Variants in CCSER1 observed in about 807,000 individuals in gnomAD.
CCSER1 encodes the protein serine-rich coiled-coil domain-containing protein 1.
In CCSER1, 41 loss-of-function variants were observed where a neutral mutation model predicts 82.0. The ratio of observed to expected loss-of-function variants is 0.50; its 90% CI spans 0.39 to 0.65. CCSER1 has a LOEUF of 0.65. Among genes scored for constraint, CCSER1 ranks in the 30% least tolerant of loss-of-function variants. The pLI, the probability that CCSER1 is intolerant of heterozygous loss-of-function variation, is 0.00. For missense variants in CCSER1, 1,119 were observed against 1,064.2 expected, an observed-to-expected ratio of 1.05 and a Z score of -0.72; for synonymous variants, 414 against 383.9, an observed-to-expected ratio of 1.08 and a Z score of -0.92.
At chr4:90,264,663 A>T (rs1724930008) in intron 1 of CCSER1, among the ~76,000 whole-genome samples, 1 of 148,336 alleles carries the variant, frequency 6.7e-6, no homozygotes, top group South Asian at 2.2e-4. Flanking sequence ...TCTACTATTC[A>T]GTGTCTACAT....
At chr4:90,977,735 G>A (rs1343299550) in intron 9 of CCSER1, among the ~76,000 whole-genome samples, 1 of 151,404 alleles carries the variant, frequency 6.6e-6, no homozygotes, top group Non-Finnish European at 1.5e-5. Context: ...TTGTATATCT[G>A]CCTTCCCACT....
At chr4:91,178,031 A>G in intron 10 of CCSER1, among the ~76,000 whole-genome samples, 1 of 152,156 alleles carries the variant, frequency 6.6e-6, no homozygotes, top group African/African-American at 2.4e-5. Context: ...CATTGGTTTC[A>G]AAGAACATCT....
chr4:90,626,004 G>A (rs1345503351), intron 5 of CCSER1, among the ~76,000 whole-genome samples: 1 of 152,036 alleles, frequency 6.6e-6, no homozygotes, highest in Non-Finnish European at 1.5e-5. Flanking sequence ...TTAGATCCAT[G>A]ACTGACCAAA....
In CCSER1 at chr4:91,268,228, C is replaced by T. The variant is rs1741753077; in HGVS notation, c.2217+182234C>T. On this transcript the variant is annotated intron_variant, in intron 10 of 10. Coordinates refer to ENST00000509176, the MANE Select transcript of CCSER1 (RefSeq NM_001145065.2). ...ATTAGAGGTAAATAAAAAAGAAGGG[C>T]ATACATTTAATTTTATCAGTGCATG... Among the ~76,000 whole-genome samples the T allele has an allele frequency of 2.0e-5, 3 of 152,184 alleles. No homozygotes were observed. In the South Asian group the frequency reaches 6.2e-4, roughly 32 times the overall value.
chr4:90,443,983 A>G (rs1760266310), intron 4 of CCSER1, among the ~76,000 whole-genome samples: 1 of 152,074 alleles, frequency 6.6e-6, no homozygotes, highest in Non-Finnish European at 1.5e-5. Flanking sequence ...GCATGCTGGT[A>G]ATATAATTAA....
intron 3 of CCSER1, among the ~76,000 whole-genome samples, chr4:90,342,137 G>T (rs1036330576): frequency 6.6e-6 from 1 of 152,110 alleles, no homozygotes; most frequent in African/African-American, 2.4e-5. Flanking sequence ...AATCTGAATT[G>T]AATACAAGAG....
intron 6 of CCSER1, among the ~76,000 whole-genome samples, chr4:90,705,420 A>T (rs1413036657): frequency 6.6e-6 from 1 of 152,224 alleles, no homozygotes; most frequent in Non-Finnish European, 1.5e-5. Flanking sequence ...TTCGGGGGTC[A>T]GGGACCCACT....
At chr4:90,747,161 T>C (rs541088979) in intron 7 of CCSER1, among the ~76,000 whole-genome samples, 14 of 152,232 alleles carry the variant, frequency 9.2e-5, no homozygotes, top group Admixed American at 2.6e-4. Flanking sequence ...AACATCCCAC[T>C]ATTAGGTTGG....
Position 90,475,048 on chromosome 4 carries a change from A to G in CCSER1, c.1724+6694A>G, listed in dbSNP as rs182834032. ...ATATCAGTTGAACTATAAGTGTAAC[A>G]TGCACACACACACACACATAAATGC... On this transcript the variant is annotated intron_variant, in intron 5 of 10. Coordinates refer to ENST00000509176, the MANE Select transcript of CCSER1 (RefSeq NM_001145065.2). Among the ~76,000 whole-genome samples the G allele has an allele frequency of 1.8e-3, 272 of 152,148 alleles. 1 individual carries two copies. Among genetic ancestry groups the G allele is most frequent in the Non-Finnish European group, 3.2e-3 (215 of 68,006 alleles).
intron 9 of CCSER1, among the ~76,000 whole-genome samples, chr4:90,939,392 C>G (rs1731331771): frequency 6.6e-6 from 1 of 152,118 alleles, no homozygotes; most frequent in Non-Finnish European, 1.5e-5. Context: ...ATATCTGTGG[C>G]CTGGACTTGA....
intron 5 of CCSER1, among the ~76,000 whole-genome samples, chr4:90,475,402 A>G (rs1170602085): frequency 6.6e-6 from 1 of 152,188 alleles, no homozygotes; most frequent in Non-Finnish European, 1.5e-5. Context: ...CAGTGAGGAG[A>G]TAAGATTTCC....
At chr4:91,067,454 TC>T (rs1399210219) in intron 9 of CCSER1, among the ~76,000 whole-genome samples, 1 of 151,806 alleles carries the variant, frequency 6.6e-6, no homozygotes, top group Non-Finnish European at 1.5e-5. Flanking sequence ...CAAACAGTCC[TC>T]CCTCCTCAGC....
Position 90,778,435 on chromosome 4 carries a change from A to G in CCSER1, c.2011-37327A>G, listed in dbSNP as rs188658516. Among the ~76,000 whole-genome samples, 62 of 152,266 alleles carry G rather than the reference A, an allele frequency of 4.1e-4. 1 individual carries two copies. The East Asian group carries it at 0.011, about 26-fold the overall frequency. ...ATGTATCTCTTCTTGGATGACTGCA[A>G]GTAAGCCTTGCTATGAAAATATCTA... is the stretch of plus-strand genomic sequence containing the variant. On this transcript the variant is annotated intron_variant, in intron 7 of 10. Coordinates refer to ENST00000509176, the MANE Select transcript of CCSER1 (RefSeq NM_001145065.2).
chr4:90,268,062 C>T (rs899831795), intron 1 of CCSER1, among the ~76,000 whole-genome samples: 2 of 152,048 alleles, frequency 1.3e-5, no homozygotes, highest in Admixed American at 1.3e-4. Context: ...AAATATTCCT[C>T]AAGCAAAAAG....
chr4:91,540,793 T>G (rs1761550885), intron 10 of CCSER1, among the ~76,000 whole-genome samples: 1 of 152,156 alleles, frequency 6.6e-6, no homozygotes, highest in Non-Finnish European at 1.5e-5. Context: ...CACCATTCCT[T>G]GAAAAGTCTA....
intron 10 of CCSER1, among the ~76,000 whole-genome samples, chr4:91,543,817 C>G (rs189564571): frequency 2.1e-4 from 32 of 152,188 alleles, no homozygotes; most frequent in Middle Eastern, 6.8e-3. Context: ...TTGTGGCGTT[C>G]TCTGTATTTC....
At chr4:90,804,935 T>A (rs1290813326) in intron 7 of CCSER1, among the ~76,000 whole-genome samples, 2 of 152,212 alleles carry the variant, frequency 1.3e-5, no homozygotes, top group African/African-American at 4.8e-5. Context: ...ATTGCTGATA[T>A]ACTTGAAATG....
At chr4:90,665,440 G>C (rs1229273449) in intron 6 of CCSER1, among the ~76,000 whole-genome samples, 2 of 151,874 alleles carry the variant, frequency 1.3e-5, no homozygotes, top group Non-Finnish European at 1.5e-5. Context: ...TCCTGCCTCA[G>C]CCTCCTGAGT....
intron 9 of CCSER1, among the ~76,000 whole-genome samples, chr4:91,033,561 C>T (rs1741170012): frequency 6.6e-6 from 1 of 152,060 alleles, no homozygotes; most frequent in Admixed American, 6.6e-5. Flanking sequence ...AAAGGATGGA[C>T]CTCATTCTAC....
Sources: allele counts gnomAD v4.1 joint callset (sites outside exome capture counted in the v4.1 genomes callset), GRCh38; gene constraint gnomAD v4.1.1; transcripts MANE v1.5; gene names NCBI Gene and HGNC (gene_info 2026-07-23, HGNC 2026-07-21).